The following TRA2A variants were observed in gnomAD, a reference collection of about 807,000 sequenced individuals.
TRA2A encodes transformer 2 alpha homolog.
TRA2A carries 31 observed loss-of-function variants against 45.7 expected under a neutral mutation model. The observed-to-expected ratio is 0.68, with a 90% CI of 0.51 to 0.92. The LOEUF is 0.92. Among genes scored for constraint, TRA2A ranks in the 40% least tolerant of loss-of-function variants. The pLI, the probability that TRA2A is intolerant of heterozygous loss-of-function variation, is 0.00. For missense variants in TRA2A, 304 were observed against 367.5 expected, an observed-to-expected ratio of 0.83 and a Z score of 1.41; for synonymous variants, 132 against 126.2, an observed-to-expected ratio of 1.05 and a Z score of -0.31.
rs1323971803 is a variant in TRA2A at position 23,516,436 on chromosome 7, G to A, written c.263C>T (p.Thr88Ile). 1.2e-6 allele frequency: 2 copies of A among 1,614,226 alleles called. No homozygotes were observed. Among genetic ancestry groups the A allele is most frequent in the Non-Finnish European group, 1.7e-6 (2 of 1,180,032 alleles). Residue 88 changes from threonine (T) to isoleucine (I), a missense_variant, in exon 3 of 8, where the codon ACA (threonine) becomes ATA (isoleucine). Coordinates refer to ENST00000297071, the MANE Select transcript of TRA2A (RefSeq NM_013293.5). The stretch of plus-strand genomic sequence containing the variant: ...GCTCCTTCGCCGCCGGTATTCTGGT[G>A]TATATGATCTACTTCGAGATCGTCT... ...HRRRSRSRSY[T>I]PEYRRRRSRS...
Position 23,505,576 on chromosome 7 carries a change from GAGAAAAAGCAAAAAA to G in TRA2A, c.839-22_839-8del. On this transcript the variant is annotated splice_polypyrimidine_tract_variant and splice_region_variant and intron_variant, in intron 7 of 7. Coordinates refer to ENST00000297071, the MANE Select transcript of TRA2A (RefSeq NM_013293.5). ...TTCCGTTATCAATAGCGTCCTAAAA[GAGAAAAAGCAAAAAA>G]AAAAAAAAAAAAAAAAAGTTAACAA... The G allele has an allele frequency of 3.9e-6, 1 of 256,724 alleles. No homozygotes were observed. Among genetic ancestry groups the G allele is most frequent in the South Asian group, 6.7e-5 (1 of 15,004 alleles). 15.9% of individuals were successfully genotyped at this position (256,724 alleles called of 1,614,324 possible).
At chr7:23,508,850 CGTGGCCTCAA>C (rs1302428738) in intron 4 of TRA2A, among the ~76,000 whole-genome samples, 1 of 152,148 alleles carries the variant, frequency 6.6e-6, no homozygotes, top group Non-Finnish European at 1.5e-5. Flanking sequence ...TCTCTTAACT[CGTGGCCTCAA>C]GTGGCCTTCC....
chr7:23,507,705 T>C (rs1789407971), intron 4 of TRA2A, among the ~76,000 whole-genome samples, 170 bp from the exon 5 acceptor site: 1 of 152,232 alleles, frequency 6.6e-6, no homozygotes, highest in Non-Finnish European at 1.5e-5. Flanking sequence ...CTCAACAATG[T>C]CCAGAACACA....
At chr7:23,525,078 T>C (rs1461617427) in intron 1 of TRA2A, among the ~76,000 whole-genome samples, 4 of 152,152 alleles carry the variant, frequency 2.6e-5, no homozygotes, top group African/African-American at 9.7e-5. Flanking sequence ...AACTGCCAAG[T>C]ATATAATTAT....
chr7:23,524,257 C>T (rs1426282163), intron 1 of TRA2A, among the ~76,000 whole-genome samples: 1 of 152,126 alleles, frequency 6.6e-6, no homozygotes, highest in African/African-American at 2.4e-5. Flanking sequence ...GATCTAGGCT[C>T]ACTGCAACCT....
intron 1 of TRA2A, chr7:23,531,535 CG>C (rs1341180190): frequency 7.0e-6 from 4 of 570,804 alleles, no homozygotes; most frequent in Non-Finnish European, 1.2e-5. Flanking sequence ...GGAAGCAATG[CG>C]GGGGCGGGGA....
intron 1 of TRA2A, among the ~76,000 whole-genome samples, chr7:23,528,734 C>G (rs939597871): frequency 3.3e-5 from 5 of 151,332 alleles, no homozygotes; most frequent in East Asian, 3.9e-4. Context: ...GTGATGCGAT[C>G]TCGGCTCACT....
chr7:23,512,827 T>A, intron 4 of TRA2A, 67 bp downstream of exon 4: 1 of 1,129,132 alleles, frequency 8.9e-7, no homozygotes, highest in South Asian at 2.1e-5. Flanking sequence ...TTTACAGAAA[T>A]AAGTCTATTA....
chr7:23,531,975 G>A lies in TRA2A; in HGVS notation c.-151C>T, dbSNP rs866396096. 38 of 770,598 alleles carry A rather than the reference G, an allele frequency of 4.9e-5. No individual in the cohort carries two copies. In the Middle Eastern group the frequency reaches 1.7e-3, roughly 35 times the overall value. 47.7% of individuals were successfully genotyped at this position (770,598 alleles called of 1,614,324 possible). A position where few individuals can be genotyped will look rare whatever the true frequency, so the allele number is the denominator to read the frequency against. ...CACTCCCACTCGGTCGCAGGCTCCA[G>A]CAAAATGGCGCCGGCGCCGCCAGAA... On this transcript the variant is annotated 5_prime_UTR_variant, in exon 1 of 8. Coordinates refer to ENST00000297071, the MANE Select transcript of TRA2A (RefSeq NM_013293.5).
chr7:23,505,849 A>T lies in TRA2A; in HGVS notation c.771-36T>A, dbSNP rs779188314. ...TGAAAGATTACTTAGCATACTATAT[A>T]ATCACTCCACTGAGGCAGATGAAAA... On this transcript the variant is annotated intron_variant, in intron 6 of 7. Transcript: ENST00000297071. The T allele has an allele frequency of 7.7e-6, 10 of 1,294,792 alleles. No individual in the cohort carries two copies. In the South Asian group the frequency reaches 1.2e-4, roughly 15 times the overall value. 80.2% of individuals were successfully genotyped at this position (1,294,792 alleles called of 1,614,324 possible).
chr7:23,522,350 A>G, intron 1 of TRA2A: 2 of 1,252,182 alleles, frequency 1.6e-6, no homozygotes, highest in Non-Finnish European at 2.1e-6. Context: ...CTGATCTTTA[A>G]TACTTTTCAT....
chr7:23,531,971 T>C lies in TRA2A; in HGVS notation c.-147A>G, dbSNP rs1360851945. On this transcript the variant is annotated 5_prime_UTR_variant, in exon 1 of 8. Transcript: ENST00000297071. Reference sequence around the variant, plus strand: ...ACTCCACTCCCACTCGGTCGCAGGCTCCAGCAAAATGGCGCCGGCGCCGCC... The same window carrying C: ...ACTCCACTCCCACTCGGTCGCAGGCCCCAGCAAAATGGCGCCGGCGCCGCC... The C allele has an allele frequency of 7.3e-6, 6 of 823,080 alleles. No individual in the cohort carries two copies. The highest frequency in any genetic ancestry group is 1.1e-5 in the Non-Finnish European group (6 of 525,982). 51.0% of individuals were successfully genotyped at this position (823,080 alleles called of 1,614,324 possible).
chr7:23,526,131 T>C (rs1031896266), intron 1 of TRA2A, among the ~76,000 whole-genome samples: 3 of 152,202 alleles, frequency 2.0e-5, no homozygotes, highest in Admixed American at 6.5e-5. Flanking sequence ...ATTATATACA[T>C]GTACACAATG....
intron 6 of TRA2A, 88 bp from the exon 7 acceptor site, chr7:23,505,901 T>TGGCTTACTTTAG: frequency 1.2e-6 from 1 of 841,798 alleles, no homozygotes; most frequent in Admixed American, 2.8e-5. Flanking sequence ...TTCAAAATAA[T>TGGCTTACTTTAG]AATGTACCTA....
intron 1 of TRA2A, among the ~76,000 whole-genome samples, chr7:23,529,133 A>G (rs983190277): frequency 3.9e-5 from 6 of 152,182 alleles, no homozygotes; most frequent in African/African-American, 1.4e-4. Context: ...ACATTTTTTG[A>G]GCTCAAAATC....
At chr7:23,506,641 A>G (rs963735331) in intron 5 of TRA2A, among the ~76,000 whole-genome samples, 2 of 152,234 alleles carry the variant, frequency 1.3e-5, no homozygotes, top group Admixed American at 6.5e-5. Flanking sequence ...TAAAAGGTGT[A>G]TCCCTGTGAC....
intron 4 of TRA2A, among the ~76,000 whole-genome samples, chr7:23,510,191 G>C (rs115135326): frequency 1.5e-3 from 234 of 152,344 alleles, no homozygotes; most frequent in African/African-American, 5.5e-3. Flanking sequence ...CAACTGAAAA[G>C]AGAAACTGTG....
intron 1 of TRA2A, among the ~76,000 whole-genome samples, chr7:23,530,852 T>A (rs945123486): frequency 2.0e-5 from 3 of 152,146 alleles, no homozygotes; most frequent in Non-Finnish European, 4.4e-5. Context: ...TGACTAGTTA[T>A]CTTAAAAATA....
At position 23,507,520 on chromosome 7, in the gene TRA2A, T is replaced by C; in HGVS notation, c.541A>G (p.Asn181Asp). 3.1e-6 allele frequency: 5 copies of C among 1,614,102 alleles called. No homozygotes were observed. The highest frequency in any genetic ancestry group is 2.2e-5 in the East Asian group (1 of 44,890). The stretch of plus-strand genomic sequence containing the variant: ...CTTCTACCATCCAGCTCCATTCCAT[T>C]TGCCCTTTCCATAGCCTATAAAGAA... Reference protein sequence around the residue: ...DDSKEAMERANGMELDGRRIR... With the variant: ...DDSKEAMERADGMELDGRRIR... Residue 181 changes from asparagine (N) to aspartate (D), a missense_variant, in exon 5 of 8, where the codon AAT becomes GAT. Transcript: ENST00000297071.
Sources: gnomAD v4.1 joint callset for allele counts (sites outside exome capture counted in the v4.1 genomes callset) on GRCh38, gnomAD v4.1.1 for gene constraint, MANE v1.5 for transcripts, NCBI Gene and HGNC (gene_info 2026-07-23, HGNC 2026-07-21) for gene names.